The following FOXP1 variants were observed in gnomAD, a reference collection of about 807,000 sequenced individuals.
FOXP1 encodes forkhead box P1.
In FOXP1, 15 loss-of-function variants were observed where a neutral mutation model predicts 98.2. The ratio of observed to expected loss-of-function variants is 0.15; its 90% confidence interval spans 0.10 to 0.24. FOXP1 has a LOEUF of 0.24. FOXP1 is among the 10% of genes least tolerant of loss of function. The pLI is 1.00. For missense variants in FOXP1, 633 were observed against 848.5 expected, an observed-to-expected ratio of 0.75 and a Z score of 3.15; for synonymous variants, 371 against 314.5, an observed-to-expected ratio of 1.18 and a Z score of -1.90.
intron 5 of FOXP1, among the ~76,000 whole-genome samples, chr3:71,244,423 T>G (rs1406925328): frequency 6.6e-6 from 1 of 151,792 alleles, no homozygotes; most frequent in South Asian, 2.1e-4. Flanking sequence ...GCAACCTACC[T>G]TTGTTCTGGA....
At chr3:71,091,647 C>A (rs2055861173) in intron 7 of FOXP1, among the ~76,000 whole-genome samples, 1 of 152,176 alleles carries the variant, frequency 6.6e-6, no homozygotes, top group Non-Finnish European at 1.5e-5. Context: ...TCATCAATAT[C>A]TCAAGCTCAA....
chr3:71,517,194 A>G (rs563620366), intron 2 of FOXP1, among the ~76,000 whole-genome samples: 2 of 63,540 alleles, frequency 3.1e-5, no homozygotes, highest in Non-Finnish European at 9.3e-5. Flanking sequence ...GTGATCTATC[A>G]AAAAAAAAAA....
At chr3:71,031,180 A>G (rs922559974) in intron 11 of FOXP1, among the ~76,000 whole-genome samples, 1 of 152,236 alleles carries the variant, frequency 6.6e-6, no homozygotes, top group Non-Finnish European at 1.5e-5. Context: ...GCCAAGATGT[A>G]AAATACACAA....
intron 5 of FOXP1, among the ~76,000 whole-genome samples, chr3:71,206,408 A>C (rs2064037127): frequency 6.6e-6 from 1 of 152,270 alleles, no homozygotes; most frequent in South Asian, 2.1e-4. Context: ...TCCTACAAAA[A>C]CCCATTGGAA....
Position 71,580,855 on chromosome 3 carries a change from C to T in FOXP1, c.-298+694G>A, listed in dbSNP as rs186966303. 5.3e-5 allele frequency: 52 copies of T among 985,180 alleles called. No homozygotes were observed. In the Admixed American group the frequency reaches 1.0e-3, roughly 20 times the overall value. The allele number at this position is 985,180 out of a possible 1,614,324, so 61.0% of individuals were successfully genotyped here. A position where few individuals can be genotyped will look rare whatever the true frequency, so the allele number is the denominator to read the frequency against. On this transcript the variant is annotated intron_variant, in intron 2 of 20. Transcript: ENST00000649528. ...TGTAGACGGTTTGAATGTACAGATG[C>T]CTTTCAAAGGGAATCCAGAATGCTC...
At position 70,958,449 on chromosome 3, in the gene FOXP1, G is replaced by C. The variant is rs2032386767; in HGVS notation, c.*798C>G. The C allele has an allele frequency of 7.3e-6, 3 of 411,652 alleles. No individual in the cohort carries two copies. The highest frequency in any genetic ancestry group is 6.4e-5 in the Admixed American group (2 of 31,208). 25.5% of individuals were successfully genotyped at this position (411,652 alleles called of 1,614,324 possible). The stretch of plus-strand genomic sequence containing the variant: ...ATGTTTTCTGACTTTAGAGAAACGT[G>C]GTGATGTCTGAAGGAAGATGGAATG... On this transcript the variant is annotated 3_prime_UTR_variant, in exon 21 of 21. Transcript: ENST00000649528.
At chr3:71,212,362 C>T (rs1033663884) in intron 5 of FOXP1, among the ~76,000 whole-genome samples, 2 of 152,148 alleles carry the variant, frequency 1.3e-5, no homozygotes, top group African/African-American at 2.4e-5. Flanking sequence ...CACTGGATTC[C>T]TAACAGTGCA....
At chr3:71,040,885 G>A (rs535714293) in intron 11 of FOXP1, among the ~76,000 whole-genome samples, 3 of 152,092 alleles carry the variant, frequency 2.0e-5, no homozygotes, top group Admixed American at 6.6e-5. Context: ...AAACATGGGC[G>A]CCCAGCCTTC....
chr3:70,975,939 A>G (rs2037402673), intron 17 of FOXP1, among the ~76,000 whole-genome samples: 1 of 152,196 alleles, frequency 6.6e-6, no homozygotes, highest in Non-Finnish European at 1.5e-5. Context: ...GGGGCATCCA[A>G]TAAAGAGCTA....
chr3:71,015,470 A>G (rs1216038997), intron 12 of FOXP1, 79 bp downstream of exon 12: 15 of 952,300 alleles, frequency 1.6e-5, no homozygotes, highest in Non-Finnish European at 2.5e-5. Context: ...TCCATCAAAA[A>G]GGCATTTTAT....
intron 7 of FOXP1, among the ~76,000 whole-genome samples, chr3:71,090,336 C>T (rs1377905381): frequency 6.6e-6 from 1 of 152,196 alleles, no homozygotes; most frequent in East Asian, 1.9e-4. Context: ...TGTTAGAAAA[C>T]ATTTGCCCCG....
chr3:71,343,086 G>C (rs1329233829), intron 4 of FOXP1, among the ~76,000 whole-genome samples: 1 of 152,166 alleles, frequency 6.6e-6, no homozygotes, highest in Non-Finnish European at 1.5e-5. Flanking sequence ...CTGTCACACA[G>C]AACAAATGGC....
chr3:71,115,796 G>C (rs1212460964), intron 6 of FOXP1, among the ~76,000 whole-genome samples: 1 of 143,158 alleles, frequency 7.0e-6, no homozygotes, highest in Non-Finnish European at 1.5e-5. Context: ...GAGTGCAGTA[G>C]TGCAACCTCG....
intron 19 of FOXP1, 68 bp from the exon 20 acceptor site, chr3:70,966,124 GGT>G: frequency 7.8e-7 from 1 of 1,276,888 alleles, no homozygotes; most frequent in Non-Finnish European, 1.1e-6. Flanking sequence ...ACTAATTATG[GGT>G]GTACTCGATA....
chr3:70,974,693 T>C (rs1298554716), intron 17 of FOXP1, among the ~76,000 whole-genome samples: 1 of 152,214 alleles, frequency 6.6e-6, no homozygotes, highest in Non-Finnish European at 1.5e-5. Context: ...ACAGAGCCAA[T>C]TTCCTTTAAA....
intron 5 of FOXP1, among the ~76,000 whole-genome samples, chr3:71,212,448 C>G (rs4677598): frequency 0.016 from 2,487 of 152,262 alleles, 70 homozygotes; most frequent in African/African-American, 0.057. Flanking sequence ...AAGCCAGATT[C>G]TTTACACTTG....
chr3:71,032,143 A>G (rs2046954288), intron 11 of FOXP1, among the ~76,000 whole-genome samples: 1 of 152,264 alleles, frequency 6.6e-6, no homozygotes, highest in Non-Finnish European at 1.5e-5. Context: ...CGCCCGGCGC[A>G]GCCCCGATGC....
intron 6 of FOXP1, among the ~76,000 whole-genome samples, chr3:71,168,948 TAGAGA>T (rs1470023718): frequency 3.3e-5 from 5 of 152,142 alleles, no homozygotes; most frequent in Non-Finnish European, 5.9e-5. Flanking sequence ...CACAGAGAAA[TAGAGA>T]AGAGTTTCTC....
chr3:71,237,676 A>C (rs2066915921), intron 5 of FOXP1, among the ~76,000 whole-genome samples: 1 of 152,238 alleles, frequency 6.6e-6, no homozygotes, highest in African/African-American at 2.4e-5. Context: ...TGCTTTCTCT[A>C]CATGTGGCCT....
Sources: gnomAD v4.1 joint callset for allele counts (sites outside exome capture counted in the v4.1 genomes callset) on GRCh38, gnomAD v4.1.1 for gene constraint, MANE v1.5 for transcripts, NCBI Gene and HGNC (gene_info 2026-07-23, HGNC 2026-07-21) for gene names.